The following SHLD1 variants were observed in gnomAD, a reference collection of about 807,000 sequenced individuals.
SHLD1 encodes the protein shieldin complex subunit 1.
A neutral mutation model predicts 5.5 loss-of-function variants in SHLD1; 3 were observed. That is an observed-to-expected ratio of 0.54 (90% confidence interval 0.25 to 1.40). SHLD1 has a LOEUF of 1.40. Among genes scored for constraint, SHLD1 ranks in the 40% most tolerant of loss-of-function variants. The pLI, the probability that SHLD1 is intolerant of heterozygous loss-of-function variation, is 0.15. For synonymous variants in SHLD1, 92 were observed against 94.3 expected (o/e 0.98, Z 0.14); for missense variants, 210 against 244.4 (o/e 0.86, Z 0.94).
intron 2 of SHLD1, among the ~76,000 whole-genome samples, chr20:5,832,837 AAATAAATAAATG>A (rs1461166649): frequency 1.1e-4 from 16 of 146,462 alleles, no homozygotes; most frequent in Admixed American, 3.4e-4. Flanking sequence ...ATAAATAAAT[AAATAAATAAATG>A]GGGAAAAAAG....
chr20:5,845,001 T>C (rs2087915899), intron 2 of SHLD1, among the ~76,000 whole-genome samples: 1 of 151,818 alleles, frequency 6.6e-6, no homozygotes, highest in South Asian at 2.1e-4. Context: ...TTTCACCACG[T>C]TGGCCAGGCT....
rs1168369580 is a variant in SHLD1 at position 5,855,092 on chromosome 20, G to A, written c.179-7932G>A. Among the ~76,000 whole-genome samples, 1 of 151,454 alleles carries A rather than the reference G, an allele frequency of 6.6e-6. No individual in the cohort carries two copies. The highest frequency in any genetic ancestry group is 1.9e-4 in the East Asian group (1 of 5,158). On this transcript the variant is annotated intron_variant, in intron 2 of 2. Coordinates refer to ENST00000303142, the MANE Select transcript of SHLD1 (RefSeq NM_152504.4). The surrounding 1 kb of genome is among the most constrained non-coding windows in gnomAD (Gnocchi z 4.4). ...AGGGTCTTGCTATGTTGCCTAGGTT[G>A]GTCTCAAACTCCTGGCTTCAAGTGA... is the stretch of plus-strand genomic sequence containing the variant.
intron 2 of SHLD1, among the ~76,000 whole-genome samples, chr20:5,784,519 C>T (rs754843718): frequency 6.6e-6 from 1 of 151,924 alleles, no homozygotes; most frequent in Non-Finnish European, 1.5e-5. Flanking sequence ...GGCGCGATCT[C>T]GGCTCACTGC....
At chr20:5,848,555 G>A (rs2087960376) in intron 2 of SHLD1, among the ~76,000 whole-genome samples, 1 of 152,216 alleles carries the variant, frequency 6.6e-6, no homozygotes, top group South Asian at 2.1e-4. Context: ...TATCTGTGAA[G>A]AAACAGTCAG....
intron 2 of SHLD1, among the ~76,000 whole-genome samples, chr20:5,779,200 T>TAA (rs58493291): frequency 1.6e-5 from 2 of 125,980 alleles, no homozygotes; most frequent in Non-Finnish European, 1.7e-5. Context: ...AGACTCTGTC[T>TAA]AAAAAAAAAA....
intron 2 of SHLD1, among the ~76,000 whole-genome samples, chr20:5,803,976 G>C (rs921052047): frequency 1.3e-5 from 2 of 151,390 alleles, no homozygotes; most frequent in Non-Finnish European, 2.9e-5. Context: ...CTGCCCCTTC[G>C]ATCATTAAGG....
In SHLD1 at chr20:5,841,722, T is replaced by A. The variant is rs237089; in HGVS notation, c.179-21302T>A. On this transcript the variant is annotated intron_variant, in intron 2 of 2. Transcript: ENST00000303142. ...TTTATTGACTAAAAGTACATTTAAC[T>A]GCTTTCTTGAAGCTTAAACAGCTTC... is the stretch of plus-strand genomic sequence containing the variant. Among the ~76,000 whole-genome samples the A allele has an allele frequency of 1.8e-4, 28 of 151,872 alleles. No homozygotes were observed. The South Asian group carries it at 5.0e-3, about 27-fold the overall frequency.
intron 1 of SHLD1, among the ~76,000 whole-genome samples, chr20:5,766,872 T>C (rs1289368946): frequency 1.3e-5 from 2 of 152,208 alleles, no homozygotes; most frequent in Non-Finnish European, 2.9e-5. Context: ...CCCAAAGTGC[T>C]AGGATTACAG....
chr20:5,836,573 T>A (rs1174222097), intron 2 of SHLD1, among the ~76,000 whole-genome samples: 1 of 152,252 alleles, frequency 6.6e-6, no homozygotes, highest in Non-Finnish European at 1.5e-5. Context: ...GCCTGGAATC[T>A]GCCTACCCCG....
At chr20:5,825,115 C>T (rs1310534950) in intron 2 of SHLD1, among the ~76,000 whole-genome samples, 1 of 152,236 alleles carries the variant, frequency 6.6e-6, no homozygotes, top group Non-Finnish European at 1.5e-5. Flanking sequence ...TAACAAGTGT[C>T]GTCGGCTGAC....
intron 2 of SHLD1, among the ~76,000 whole-genome samples, chr20:5,814,928 C>T (rs1477271673): frequency 2.0e-5 from 3 of 152,090 alleles, no homozygotes; most frequent in Non-Finnish European, 2.9e-5. Flanking sequence ...GCTGGGATTA[C>T]AGTCATGAAC....
intron 2 of SHLD1, among the ~76,000 whole-genome samples, chr20:5,845,550 A>T (rs1024529023): frequency 6.6e-6 from 1 of 152,252 alleles, no homozygotes; most frequent in Non-Finnish European, 1.5e-5. Context: ...ATTTGAAAGT[A>T]AAACTGTGTT....
rs751386501 is a variant in SHLD1, at chr20:5,806,187, G to T, written c.178+33144G>T. ...GCTGCTTTATAATTTTTTACTTGGC[G>T]TTTCTTTATCTGTTTTATGGGGACA... On this transcript the variant is annotated intron_variant, in intron 2 of 2. Coordinates refer to ENST00000303142, the MANE Select transcript of SHLD1 (RefSeq NM_152504.4). The surrounding 1 kb of genome is among the most constrained non-coding windows in gnomAD (Gnocchi z 7.6). Among the ~76,000 whole-genome samples, 2 of 152,122 alleles carry T rather than the reference G, an allele frequency of 1.3e-5. No homozygotes were observed. Among genetic ancestry groups the T allele is most frequent in the African/African-American group, 4.8e-5 (2 of 41,424 alleles).
At chr20:5,822,291 C>G (rs956593939) in intron 2 of SHLD1, among the ~76,000 whole-genome samples, 5 of 152,066 alleles carry the variant, frequency 3.3e-5, no homozygotes. Context: ...AACCCCATCT[C>G]TACTAAAAAT....
At chr20:5,835,803 C>T (rs771166860) in intron 2 of SHLD1, among the ~76,000 whole-genome samples, 6 of 152,224 alleles carry the variant, frequency 3.9e-5, no homozygotes, top group Admixed American at 1.3e-4. Flanking sequence ...TGGAAATTCT[C>T]TGCAAAATTG....
intron 1 of SHLD1, 34 bp downstream of exon 1, chr20:5,750,513 T>TGGGGGGG (rs1983680237): frequency 6.9e-4 from 16 of 23,236 alleles, no homozygotes; most frequent in African/African-American, 1.5e-3. Context: ...GGGGTTGGAG[T>TGGGGGGG]GGTGGGGGCG....
intron 2 of SHLD1, among the ~76,000 whole-genome samples, chr20:5,779,471 A>T (rs142219823): frequency 6.6e-6 from 1 of 152,158 alleles, no homozygotes; most frequent in Non-Finnish European, 1.5e-5. Context: ...ATGGCCCTTC[A>T]GGAGGCTCTT....
intron 2 of SHLD1, among the ~76,000 whole-genome samples, chr20:5,807,903 G>A (rs1337390829): frequency 6.6e-6 from 1 of 152,082 alleles, no homozygotes; most frequent in Non-Finnish European, 1.5e-5. Context: ...TTGTGATAAG[G>A]TTAGCCTATT....
intron 2 of SHLD1, among the ~76,000 whole-genome samples, chr20:5,816,415 G>A (rs1485693223): frequency 6.6e-6 from 1 of 152,164 alleles, no homozygotes; most frequent in African/African-American, 2.4e-5. Context: ...ATAAAAGGTT[G>A]CTTTCTACTG....
Sources: allele counts gnomAD v4.1 joint callset (sites outside exome capture counted in the v4.1 genomes callset), GRCh38; gene constraint gnomAD v4.1.1; non-coding constraint Gnocchi (gnomAD v3.1); transcripts MANE v1.5; gene names NCBI Gene and HGNC (gene_info 2026-07-23, HGNC 2026-07-21).